Variants in RIC1 observed in about 807,000 individuals in gnomAD.
RIC1 encodes the protein guanine nucleotide exchange factor subunit RIC1.
RIC1 carries 88 observed loss-of-function variants against 169.0 expected under a neutral mutation model. The ratio of observed to expected loss-of-function variants is 0.52; its 90% CI spans 0.44 to 0.62. RIC1 has a LOEUF of 0.62. RIC1 is among the 20% of genes least tolerant of loss of function. The pLI, the probability that RIC1 is intolerant of heterozygous loss-of-function variation, is 0.00. For missense variants in RIC1, 1,877 were observed against 1,725.5 expected (o/e 1.09, Z -1.56); for synonymous variants, 790 against 601.5 (o/e 1.31, Z -4.59).
chr9:5,672,131 T>A lies in RIC1; in HGVS notation c.252+15441T>A, dbSNP rs115444324. On this transcript the variant is annotated intron_variant, in intron 2 of 25. Transcript: ENST00000414202. ...CTGCTGAAGCCTCAGCTCAGCAGTA[T>A]GTGAGCTTGTCTGCCTCTGCAAACT... 4.3e-3 allele frequency among the ~76,000 whole-genome samples: 655 copies of A among 152,334 alleles called. 7 individuals carry two copies. Among genetic ancestry groups the A allele is most frequent in the African/African-American group, 0.015 (628 of 41,578 alleles).
At chr9:5,723,616 G>A (rs1823756250) in intron 6 of RIC1, among the ~76,000 whole-genome samples, 1 of 152,158 alleles carries the variant, frequency 6.6e-6, no homozygotes, top group Admixed American at 6.5e-5. Flanking sequence ...TGGTGTTTTA[G>A]TCATGAAGTC....
At chr9:5,744,757 G>C (rs1825282833) in intron 10 of RIC1, among the ~76,000 whole-genome samples, 1 of 152,128 alleles carries the variant, frequency 6.6e-6, no homozygotes, top group Non-Finnish European at 1.5e-5. Context: ...GGATTAGGGA[G>C]GCTTAACCTG....
chr9:5,670,357 A>G (rs1158468567), intron 2 of RIC1, among the ~76,000 whole-genome samples: 1 of 152,056 alleles, frequency 6.6e-6, no homozygotes, highest in Admixed American at 6.6e-5. Context: ...CTCTTAGGGG[A>G]AAAAAAATCA....
chr9:5,648,448 A>G (rs928562203), intron 1 of RIC1, among the ~76,000 whole-genome samples: 1 of 152,172 alleles, frequency 6.6e-6, no homozygotes, highest in African/African-American at 2.4e-5. Flanking sequence ...GGTTGATTCC[A>G]TATCTTTGCT....
At chr9:5,770,301 G>A in intron 23 of RIC1, 23 bp downstream of exon 23, 1 of 1,595,088 alleles carries the variant, frequency 6.3e-7, no homozygotes, top group Non-Finnish European at 8.6e-7. Flanking sequence ...TTAAATCCTA[G>A]CTCTTCAGTT....
At chr9:5,737,589 T>TAC (rs1343532175) in intron 7 of RIC1, among the ~76,000 whole-genome samples, 4 of 108,292 alleles carry the variant, frequency 3.7e-5, no homozygotes, top group Non-Finnish European at 7.3e-5. Context: ...ACTATGCTTT[T>TAC]ACACACACAC....
chr9:5,679,911 C>G (rs1817266399), intron 2 of RIC1, among the ~76,000 whole-genome samples: 1 of 152,172 alleles, frequency 6.6e-6, no homozygotes, highest in Non-Finnish European at 1.5e-5. Flanking sequence ...GCATCCCTGT[C>G]TTGTGCCAGT....
chr9:5,677,545 TA>T (rs1267636677), intron 2 of RIC1, among the ~76,000 whole-genome samples: 1 of 151,052 alleles, frequency 6.6e-6, no homozygotes, highest in African/African-American at 2.5e-5. Context: ...TTCCATGATC[TA>T]TTTGTATATA....
chr9:5,676,921 C>T (rs543052300), intron 2 of RIC1, among the ~76,000 whole-genome samples: 10 of 152,182 alleles, frequency 6.6e-5, no homozygotes, highest in Non-Finnish European at 1.2e-4. Flanking sequence ...TTTATCCATT[C>T]ATCTGTTGAT....
intron 1 of RIC1, among the ~76,000 whole-genome samples, chr9:5,644,128 T>C (rs1352510728): frequency 6.6e-6 from 1 of 152,218 alleles, no homozygotes; most frequent in African/African-American, 2.4e-5. Flanking sequence ...ACATTGATTT[T>C]TAGTAAATTT....
intron 19 of RIC1, among the ~76,000 whole-genome samples, chr9:5,764,534 A>G (rs1563718502): frequency 6.6e-6 from 1 of 152,218 alleles, no homozygotes; most frequent in Non-Finnish European, 1.5e-5. Context: ...CAGTTACTGC[A>G]AAGTTGTTTC....
intron 2 of RIC1, among the ~76,000 whole-genome samples, chr9:5,669,950 C>G (rs1421302880): frequency 1.3e-5 from 2 of 152,096 alleles, no homozygotes; most frequent in African/African-American, 4.8e-5. Context: ...TCTTGCTAAA[C>G]TGGATTTTAT....
At position 5,762,600 on chromosome 9, in the gene RIC1, G is replaced by A. The variant is rs3739646; in HGVS notation, c.2052G>A (p.Arg684=). The part of the protein sequence containing the change: ...NLAGQLIMMQ[R]DRSGPQIREK... ...CAGGACAGCTCATCATGATGCAGAG[G>A]GACAGGTCAGGCCCACAGATCCGGG... The change falls in exon 18 of 26, where the codon AGG becomes AGA. Residue 684 remains arginine (R), a synonymous_variant. Transcript: ENST00000414202. The A allele has an allele frequency of 0.05, 81,061 of 1,613,740 alleles. 3,641 individuals are homozygous for A. Among genetic ancestry groups the A allele is most frequent in the South Asian group, 0.21 (18,932 of 90,992 alleles).
chr9:5,714,660 C>A (rs186680768), intron 4 of RIC1, among the ~76,000 whole-genome samples: 27 of 152,200 alleles, frequency 1.8e-4, no homozygotes, highest in African/African-American at 6.3e-4. Context: ...GGAAAAAAAT[C>A]TTTCCAAATA....
At position 5,700,336 on chromosome 9, in the gene RIC1, G is replaced by GT. The variant is rs368653463; in HGVS notation, c.332+10301dup. Among the ~76,000 whole-genome samples, 460 of 152,146 alleles carry GT rather than the reference G, an allele frequency of 3.0e-3. 1 individual carries two copies. Among genetic ancestry groups the GT allele is most frequent in the African/African-American group, 0.01 (436 of 41,530 alleles). ...TGCCTATCCCATAATGTATTCAGCT[G>GT]TTTCATTTCTTTTTGTTCATTTGTG... On this transcript the variant is annotated intron_variant, in intron 3 of 25. Transcript: ENST00000414202.
At chr9:5,639,615 G>A (rs1193994008) in intron 1 of RIC1, among the ~76,000 whole-genome samples, 8 of 152,196 alleles carry the variant, frequency 5.3e-5, no homozygotes, top group African/African-American at 1.9e-4. Flanking sequence ...GTTGTATAGT[G>A]CAGATTAAGT....
At chr9:5,703,083 A>T (rs912233401) in intron 3 of RIC1, among the ~76,000 whole-genome samples, 6 of 152,186 alleles carry the variant, frequency 3.9e-5, no homozygotes, top group African/African-American at 1.4e-4. Flanking sequence ...TCATGCCTTC[A>T]CAAGAGTCCC....
intron 12 of RIC1, chr9:5,748,536 T>C (rs1337662017): frequency 6.6e-6 from 1 of 152,664 alleles, no homozygotes; most frequent in Non-Finnish European, 1.5e-5. Flanking sequence ...AAAACTGCAC[T>C]AGCTACTTCC....
chr9:5,664,951 G>C lies in RIC1; in HGVS notation c.252+8261G>C, dbSNP rs193030174. Among the ~76,000 whole-genome samples the C allele has an allele frequency of 3.3e-5, 5 of 152,276 alleles. No homozygotes were observed. In the East Asian group the frequency reaches 9.7e-4, roughly 29 times the overall value. ...TGAAGTTCTTGTAGTATGTTTCTGA[G>C]CTCTAACAGGTCGGTTATGTTGCTC... On this transcript the variant is annotated intron_variant, in intron 2 of 25. Coordinates refer to ENST00000414202, the MANE Select transcript of RIC1 (RefSeq NM_020829.4).
Sources: allele counts gnomAD v4.1 joint callset (sites outside exome capture counted in the v4.1 genomes callset), GRCh38; gene constraint gnomAD v4.1.1; transcripts MANE v1.5; gene names NCBI Gene and HGNC (gene_info 2026-07-23, HGNC 2026-07-21).